The following TNFSF10 variants were observed in gnomAD, a reference collection of about 807,000 sequenced individuals.
TNFSF10 encodes the protein tumor necrosis factor ligand superfamily member 10.
Under a neutral mutation model 29.5 loss-of-function variants are expected in TNFSF10, and 13 were observed. That is an observed-to-expected ratio of 0.44 (90% CI 0.29 to 0.70). The LOEUF (loss-of-function observed/expected upper bound fraction) is 0.70, where lower values mean the gene tolerates loss of function less well. Among genes scored for constraint, TNFSF10 ranks in the 30% least tolerant of loss-of-function variants. The pLI is 0.13. For synonymous variants in TNFSF10, 111 were observed against 112.8 expected (o/e 0.98, Z 0.10); for missense variants, 345 against 330.9 (o/e 1.04, Z -0.33).
At chr3:172,507,092 A>T (rs1455933940) in intron 4 of TNFSF10, among the ~76,000 whole-genome samples, 173 bp from the exon 5 acceptor site, 1 of 152,192 alleles carries the variant, frequency 6.6e-6, no homozygotes, top group Non-Finnish European at 1.5e-5. Context: ...TTCTAGTCAC[A>T]TAGAAATTGG....
chr3:172,521,940 A>C (rs974019071), intron 1 of TNFSF10, among the ~76,000 whole-genome samples: 7 of 152,210 alleles, frequency 4.6e-5, no homozygotes, highest in Non-Finnish European at 1.0e-4. Flanking sequence ...AAACTAACAC[A>C]GGAACAGAAA....
At chr3:172,514,805 G>C in intron 2 of TNFSF10, 56 bp downstream of exon 2, 1 of 1,592,782 alleles carries the variant, frequency 6.3e-7, no homozygotes, top group Non-Finnish European at 8.5e-7. Context: ...TTTGCTTTAA[G>C]GAATTCTTCT....
At chr3:172,511,277 T>C (rs1406726803) in intron 3 of TNFSF10, among the ~76,000 whole-genome samples, 1 of 152,238 alleles carries the variant, frequency 6.6e-6, no homozygotes, top group Non-Finnish European at 1.5e-5. Flanking sequence ...CATTTATTTC[T>C]CTCAATTTCC....
Position 172,515,513 on chromosome 3 carries a change from T to A in TNFSF10, c.133-515A>T, listed in dbSNP as rs543317598. ...TGTTCTGTTTCTAGCTGTGGCTAGC[T>A]AAATAGATTCTAGTTACTGATCTGA... is the stretch of plus-strand genomic sequence containing the variant. On this transcript the variant is annotated intron_variant, in intron 1 of 4. Transcript: ENST00000241261. 1.8e-4 allele frequency among the ~76,000 whole-genome samples: 27 copies of A among 152,320 alleles called. No individual in the cohort carries two copies. In the South Asian group the frequency reaches 2.7e-3, roughly 15 times the overall value.
chr3:172,506,547 T>C lies in TNFSF10; in HGVS notation c.791A>G (p.His264Arg), dbSNP rs749219137. Reference sequence around the variant, plus strand: ...GGCTTCATGGTCCATGTCTATCAAGTGCTCATTTGTTACAGAAACAAAAAT... The same window carrying C: ...GGCTTCATGGTCCATGTCTATCAAGCGCTCATTTGTTACAGAAACAAAAAT... ...DRIFVSVTNE[H>R]LIDMDHEASF... The change falls in exon 5 of 5, where the codon CAC becomes CGC. Residue 264 changes from histidine to arginine, a missense_variant. Transcript: ENST00000241261. 2.5e-6 allele frequency: 4 copies of C among 1,614,082 alleles called. No homozygotes were observed. Among genetic ancestry groups the C allele is most frequent in the South Asian group, 1.1e-5 (1 of 91,050 alleles).
At position 172,511,339 on chromosome 3, in the gene TNFSF10, A is replaced by G. The variant is rs1271441408; in HGVS notation, c.313+278T>C. 1.7e-5 allele frequency: 5 copies of G among 298,920 alleles called. No individual in the cohort carries two copies. The Admixed American group carries it at 2.0e-4, about 12-fold the overall frequency. 18.5% of individuals were successfully genotyped at this position (298,920 alleles called of 1,614,324 possible). A position where few individuals can be genotyped will look rare whatever the true frequency, so the allele number is the denominator to read the frequency against. On this transcript the variant is annotated intron_variant, in intron 3 of 4. Transcript: ENST00000241261. ...GTAACACATTAGAAGGTAGAAACTA[A>G]TAAGTGAAGAAATTAAGGTGAAAGG...
chr3:172,512,095 A>T (rs1713249559), intron 2 of TNFSF10, among the ~76,000 whole-genome samples: 2 of 152,180 alleles, frequency 1.3e-5, no homozygotes, highest in Non-Finnish European at 2.9e-5. Flanking sequence ...CCAGGGGCTT[A>T]AAATTATTGG....
intron 1 of TNFSF10, chr3:172,518,466 C>T (rs1347071553): frequency 7.8e-7 from 1 of 1,289,106 alleles, no homozygotes; most frequent in Non-Finnish European, 1.0e-6. Flanking sequence ...TTTCTGCAAA[C>T]TGCAAATAGC....
intron 1 of TNFSF10, among the ~76,000 whole-genome samples, chr3:172,516,126 T>A (rs1430725262): frequency 5.3e-5 from 8 of 151,942 alleles, no homozygotes; most frequent in Admixed American, 4.6e-4. Flanking sequence ...TAGCTGGGCG[T>A]GGTGGCGGGC....
intron 2 of TNFSF10, among the ~76,000 whole-genome samples, chr3:172,513,877 T>C (rs192068916): frequency 7.9e-5 from 12 of 152,096 alleles, no homozygotes; most frequent in African/African-American, 2.9e-4. Flanking sequence ...CTTGCTCTGT[T>C]GCCCAGGCTA....
At chr3:172,516,416 C>T (rs1021505243) in intron 1 of TNFSF10, among the ~76,000 whole-genome samples, 1 of 152,128 alleles carries the variant, frequency 6.6e-6, no homozygotes, top group Non-Finnish European at 1.5e-5. Flanking sequence ...AAGACAATAT[C>T]ATTTTAAATC....
At chr3:172,512,028 G>T (rs868334225) in intron 2 of TNFSF10, among the ~76,000 whole-genome samples, 9 of 152,150 alleles carry the variant, frequency 5.9e-5, no homozygotes, top group Non-Finnish European at 1.3e-4. Flanking sequence ...TGTGTGTGGG[G>T]TGTATGTATG....
At chr3:172,508,404 T>C (rs985127703) in intron 4 of TNFSF10, among the ~76,000 whole-genome samples, 37 of 152,232 alleles carry the variant, frequency 2.4e-4, no homozygotes, top group Non-Finnish European at 4.6e-4. Flanking sequence ...ATGGTTAAAC[T>C]ATATGAAACT....
intron 1 of TNFSF10, chr3:172,518,189 G>A (rs901318107): frequency 2.1e-5 from 23 of 1,115,712 alleles, no homozygotes; most frequent in African/African-American, 4.9e-5. Flanking sequence ...AGAAGGTAGC[G>A]TGTGGGGATT....
At chr3:172,515,894 C>A (rs1480832560) in intron 1 of TNFSF10, among the ~76,000 whole-genome samples, 1 of 152,050 alleles carries the variant, frequency 6.6e-6, no homozygotes, top group Non-Finnish European at 1.5e-5. Context: ...TGTTTGTTTG[C>A]TTTGCTCATT....
At chr3:172,508,080 C>T (rs532210173) in intron 4 of TNFSF10, among the ~76,000 whole-genome samples, 8 of 152,128 alleles carry the variant, frequency 5.3e-5, no homozygotes, top group South Asian at 2.1e-4. Context: ...TGGTGGCTCA[C>T]GCCTGTAATT....
intron 2 of TNFSF10, among the ~76,000 whole-genome samples, chr3:172,513,586 T>C (rs1713310364): frequency 6.6e-6 from 1 of 152,254 alleles, no homozygotes; most frequent in Admixed American, 6.5e-5. Context: ...GTCAGGGCTC[T>C]ACTGTGAAAA....
intron 1 of TNFSF10, among the ~76,000 whole-genome samples, chr3:172,516,968 T>C (rs570764553): frequency 2.0e-5 from 3 of 152,174 alleles, no homozygotes; most frequent in Admixed American, 6.5e-5. Flanking sequence ...TCAGTATGAG[T>C]TGGCTCTGGC....
At chr3:172,511,487 T>G in intron 3 of TNFSF10, 130 bp downstream of exon 3, 10 of 665,886 alleles carry the variant, frequency 1.5e-5, no homozygotes, top group East Asian at 3.1e-5. Flanking sequence ...ACAAGTGGCT[T>G]GAGATACGGA....
Sources: gnomAD v4.1 joint callset for allele counts (sites outside exome capture counted in the v4.1 genomes callset) on GRCh38, gnomAD v4.1.1 for gene constraint, MANE v1.5 for transcripts, NCBI Gene and HGNC (gene_info 2026-07-23, HGNC 2026-07-21) for gene names.